Variants in CCDC149 observed in about 807,000 individuals in gnomAD.
CCDC149 encodes coiled-coil domain-containing protein 149.
In CCDC149, 45 loss-of-function variants were observed where a neutral mutation model predicts 59.9. The observed-to-expected ratio is 0.75, with a 90% CI of 0.59 to 0.96. The LOEUF (loss-of-function observed/expected upper bound fraction) is 0.96. Among genes scored for constraint, CCDC149 ranks in the 40% least tolerant of loss-of-function variants. CCDC149 has a pLI of 0.00. For missense variants in CCDC149, 584 were observed against 664.7 expected (o/e 0.88, Z 1.33); for synonymous variants, 245 against 260.6 (o/e 0.94, Z 0.58).
intron 3 of CCDC149, among the ~76,000 whole-genome samples, chr4:24,854,365 G>A (rs1029406809): frequency 1.3e-5 from 2 of 152,138 alleles, no homozygotes; most frequent in Admixed American, 6.5e-5. Context: ...TTCCATGTGC[G>A]TTGTTCCAGA....
At chr4:24,828,366 C>G (rs1715902077) in intron 9 of CCDC149, 1 of 151,542 alleles carries the variant, frequency 6.6e-6, no homozygotes, top group African/African-American at 2.4e-5. Context: ...ACTGTCTATG[C>G]ATCCTTTGGA....
chr4:24,877,091 A>C (rs192906747), intron 1 of CCDC149, among the ~76,000 whole-genome samples: 250 of 152,268 alleles, frequency 1.6e-3, no homozygotes, highest in African/African-American at 5.7e-3. Context: ...TTGGTAGTAA[A>C]ATTATTTACC....
chr4:24,817,651 G>A (rs180747164), intron 12 of CCDC149, among the ~76,000 whole-genome samples: 52 of 151,538 alleles, frequency 3.4e-4, no homozygotes, highest in African/African-American at 1.1e-3. Context: ...GGGCGGTTCC[G>A]GTTCTGCTAA....
chr4:24,805,186 G>A (rs1454008364), downstream of CCDC149, among the ~76,000 whole-genome samples: 1 of 152,212 alleles, frequency 6.6e-6, no homozygotes, highest in Admixed American at 6.5e-5. Flanking sequence ...GTGCAAACAA[G>A]CTTTCATTAA....
At chr4:24,874,260 G>GTTTTTTTTTT (rs1233579287) in intron 2 of CCDC149, among the ~76,000 whole-genome samples, 2 of 33,850 alleles carry the variant, frequency 5.9e-5, no homozygotes, top group African/African-American at 1.8e-4. Flanking sequence ...TTTTTTTTTT[G>GTTTTTTTTTT]TTTTGTTTTT....
At chr4:24,847,479 T>C (rs971632609) in intron 4 of CCDC149, among the ~76,000 whole-genome samples, 1 of 152,228 alleles carries the variant, frequency 6.6e-6, no homozygotes, top group Non-Finnish European at 1.5e-5. Context: ...AGAATATCAG[T>C]ACCATGGGAG....
intron 3 of CCDC149, among the ~76,000 whole-genome samples, chr4:24,863,128 A>G (rs948140691): frequency 6.6e-6 from 1 of 152,090 alleles, no homozygotes; most frequent in Admixed American, 6.5e-5. Context: ...CCCCATCTCT[A>G]TTAAAAATAT....
intron 1 of CCDC149, among the ~76,000 whole-genome samples, chr4:24,879,875 C>G (rs1321812828): frequency 6.6e-6 from 1 of 152,142 alleles, no homozygotes; most frequent in African/African-American, 2.4e-5. Context: ...TTTAAAAACT[C>G]AAGCTCTGGA....
intron 4 of CCDC149, among the ~76,000 whole-genome samples, chr4:24,847,451 A>G (rs1473027325): frequency 6.6e-6 from 1 of 152,034 alleles, no homozygotes; most frequent in Non-Finnish European, 1.5e-5. Flanking sequence ...TTATTTTCTT[A>G]TTATCTACTC....
At chr4:24,804,193 A>G (rs1464476515), downstream of CCDC149, among the ~76,000 whole-genome samples, 1 of 152,100 alleles carries the variant, frequency 6.6e-6, no homozygotes, top group African/African-American at 2.4e-5. Flanking sequence ...TCTCTTTTTC[A>G]AAAAGAAGGA....
chr4:24,957,705 A>T (rs1240514804), intron 1 of CCDC149, among the ~76,000 whole-genome samples: 1 of 152,264 alleles, frequency 6.6e-6, no homozygotes, highest in Non-Finnish European at 1.5e-5. Context: ...ATGTCTGTGC[A>T]TCTCCATATT....
Position 24,806,812 on chromosome 4 carries a change from C to G in CCDC149, c.*1577G>C, listed in dbSNP as rs938619534. On this transcript the variant is annotated 3_prime_UTR_variant, in exon 13 of 13. Coordinates refer to ENST00000635206, the MANE Select transcript of CCDC149 (RefSeq NM_001330643.2). The stretch of plus-strand genomic sequence containing the variant: ...AACAGAACGCCGACTCCAGCATGCT[C>G]CCATTTCAACTAAAGTAGTGGGAGA... 1 of 153,400 alleles carries G rather than the reference C, an allele frequency of 6.5e-6. No homozygotes were observed. The highest frequency in any genetic ancestry group is 2.4e-5 in the African/African-American group (1 of 41,438). 9.5% of individuals were successfully genotyped at this position (153,400 alleles called of 1,614,324 possible).
Position 24,808,408 on chromosome 4 carries a change from C to T in CCDC149, c.1604G>A (p.Arg535Lys). Reference sequence around the variant, plus strand: ...TCCCCTTCAGGTTTTCACGGTGCTCCTCATGCCTCCGCCCTCTGGGATCCC... The same window carrying T: ...TCCCCTTCAGGTTTTCACGGTGCTCTTCATGCCTCCGCCCTCTGGGATCCC... Residue 535 changes from arginine to lysine, a missense_variant, in exon 13 of 13, where the codon AGG (arginine) becomes AAG (lysine). Arg to Lys is a conservative substitution (Grantham distance 26). Coordinates refer to ENST00000635206, the MANE Select transcript of CCDC149 (RefSeq NM_001330643.2). 6.9e-7 allele frequency: 1 copy of T among 1,455,316 alleles called. No individual in the cohort carries two copies. Among genetic ancestry groups the T allele is most frequent in the Non-Finnish European group, 9.1e-7 (1 of 1,102,494 alleles). 90.2% of individuals were successfully genotyped at this position (1,455,316 alleles called of 1,614,324 possible).
chr4:24,867,852 G>A (rs925706770), intron 3 of CCDC149, among the ~76,000 whole-genome samples: 1 of 152,230 alleles, frequency 6.6e-6, no homozygotes, highest in African/African-American at 2.4e-5. Context: ...TCAGATCACA[G>A]AAATTCAACC....
chr4:24,882,452 A>G (rs1399305101), intron 1 of CCDC149, among the ~76,000 whole-genome samples: 2 of 152,218 alleles, frequency 1.3e-5, no homozygotes, highest in Non-Finnish European at 2.9e-5. Flanking sequence ...TGAGCTAAGT[A>G]TTGGGACCCT....
At chr4:24,914,590 A>T (rs1406164116), upstream of CCDC149, among the ~76,000 whole-genome samples, 1 of 16,816 alleles carries the variant, frequency 5.9e-5, no homozygotes, top group Non-Finnish European at 1.3e-4. Flanking sequence ...CCCCACCCCC[A>T]CCCGCACAGC....
intron 1 of CCDC149, among the ~76,000 whole-genome samples, chr4:24,935,422 C>T (rs774383576): frequency 7.9e-5 from 12 of 152,162 alleles, no homozygotes; most frequent in Non-Finnish European, 1.8e-4. Context: ...CGGCAGTATA[C>T]TGCGATCTGA....
chr4:24,923,674 G>A (rs1156878718), intron 1 of CCDC149, among the ~76,000 whole-genome samples: 3 of 151,998 alleles, frequency 2.0e-5, no homozygotes, highest in Non-Finnish European at 4.4e-5. Flanking sequence ...AGAGAGGAGG[G>A]AAGAGAGTGA....
intron 12 of CCDC149, among the ~76,000 whole-genome samples, chr4:24,812,803 A>G (rs1243469538): frequency 6.6e-6 from 1 of 152,240 alleles, no homozygotes; most frequent in Non-Finnish European, 1.5e-5. Context: ...GAAAGTGTGC[A>G]GAGGAACTCT....
Sources: gnomAD v4.1 joint callset for allele counts (sites outside exome capture counted in the v4.1 genomes callset) on GRCh38, gnomAD v4.1.1 for gene constraint, MANE v1.5 for transcripts, NCBI Gene and HGNC (gene_info 2026-07-23, HGNC 2026-07-21) for gene names.